Variants in SEL1L2 observed in about 807,000 individuals in gnomAD.
SEL1L2 encodes protein sel-1 homolog 2.
Under a neutral mutation model 98.8 loss-of-function variants are expected in SEL1L2, and 89 were observed. That is an observed-to-expected ratio of 0.90 (90% CI 0.76 to 1.07). The LOEUF (loss-of-function observed/expected upper bound fraction) is 1.07. Ranked by LOEUF, SEL1L2 falls within the 50% of genes least tolerant of loss-of-function variation. The pLI, the probability that SEL1L2 is intolerant of heterozygous loss-of-function variation, is 0.00. For missense variants in SEL1L2, 788 were observed against 812.0 expected, an observed-to-expected ratio of 0.97 and a Z score of 0.36; for synonymous variants, 262 against 278.5, an observed-to-expected ratio of 0.94 and a Z score of 0.59.
At chr20:13,887,914 TG>T in intron 7 of SEL1L2, 27 bp downstream of exon 7, 1 of 1,611,402 alleles carries the variant, frequency 6.2e-7, no homozygotes, top group East Asian at 2.2e-5. Flanking sequence ...CATACAAATT[TG>T]GTTCCAAGAA....
chr20:13,883,164 C>T (rs1424973996), intron 10 of SEL1L2, among the ~76,000 whole-genome samples: 1 of 151,978 alleles, frequency 6.6e-6, no homozygotes, highest in Non-Finnish European at 1.5e-5. Context: ...GTTCTCCATT[C>T]AAGTTCAGGG....
chr20:13,932,518 G>A (rs1240887635), intron 2 of SEL1L2, among the ~76,000 whole-genome samples: 1 of 151,538 alleles, frequency 6.6e-6, no homozygotes, highest in Non-Finnish European at 1.5e-5. Context: ...TGCAACCTTC[G>A]CCTCCCGGGA....
At chr20:13,989,516 T>C (rs995005397) in intron 1 of SEL1L2, among the ~76,000 whole-genome samples, 1 of 152,230 alleles carries the variant, frequency 6.6e-6, no homozygotes, top group South Asian at 2.1e-4. Flanking sequence ...TGAACAGAAA[T>C]GGCAAAAGTG....
intron 12 of SEL1L2, among the ~76,000 whole-genome samples, chr20:13,875,769 A>G (rs2046399497): frequency 6.6e-6 from 1 of 152,166 alleles, no homozygotes; most frequent in South Asian, 2.1e-4. Flanking sequence ...GAGAGGGGAA[A>G]GCTGAACTTC....
At chr20:13,893,103 A>C (rs545588230) in intron 5 of SEL1L2, among the ~76,000 whole-genome samples, 1 of 152,274 alleles carries the variant, frequency 6.6e-6, no homozygotes, top group Non-Finnish European at 1.5e-5. Flanking sequence ...CCAGCTAATT[A>C]AGACAGACTG....
intron 3 of SEL1L2, chr20:13,928,292 C>T (rs1350008697): frequency 6.6e-6 from 1 of 152,194 alleles, no homozygotes. Flanking sequence ...TCCTTGAAGA[C>T]TTGGCATCAG....
intron 1 of SEL1L2, among the ~76,000 whole-genome samples, chr20:13,969,496 G>A (rs2051190009): frequency 6.6e-6 from 1 of 152,180 alleles, no homozygotes; most frequent in South Asian, 2.1e-4. Context: ...GAAAGTGCTT[G>A]ACATTTGCTA....
rs199576999 is a variant in SEL1L2, at chr20:13,906,124, C to T, written c.549+7658G>A. On this transcript the variant is annotated intron_variant, in intron 5 of 19. Transcript: ENST00000284951. ...CTCCTGACCTAAAATGATCTGCCCG[C>T]CTCAGCCTCCCAAAGTGCTGGCATT... 9.9e-5 allele frequency among the ~76,000 whole-genome samples: 15 copies of T among 152,244 alleles called. No homozygotes were observed. The East Asian group carries it at 2.5e-3, about 25-fold the overall frequency.
chr20:13,975,467 T>A (rs1379229695), intron 1 of SEL1L2, among the ~76,000 whole-genome samples: 1 of 152,188 alleles, frequency 6.6e-6, no homozygotes, highest in Non-Finnish European at 1.5e-5. Context: ...ACAGAGGTAA[T>A]ACAGAGTAAA....
intron 14 of SEL1L2, among the ~76,000 whole-genome samples, chr20:13,867,972 T>C (rs6042402): frequency 0.094 from 14,247 of 152,046 alleles, 798 homozygotes; most frequent in African/African-American, 0.15. Flanking sequence ...CCCTGGCTCC[T>C]CCTCTGACAT....
At chr20:13,922,224 T>C (rs901313450) in intron 3 of SEL1L2, among the ~76,000 whole-genome samples, 3 of 152,164 alleles carry the variant, frequency 2.0e-5, no homozygotes, top group Admixed American at 2.0e-4. Flanking sequence ...ATTTTCTTTC[T>C]ACTTTTAATG....
chr20:13,850,353 T>A, intron 18 of SEL1L2, 34 bp from the exon 19 acceptor site: 1 of 1,611,460 alleles, frequency 6.2e-7, no homozygotes. Flanking sequence ...CCCATCAGAT[T>A]CTGTAGGGGT....
intron 3 of SEL1L2, among the ~76,000 whole-genome samples, chr20:13,921,756 A>T (rs533434218): frequency 2.6e-5 from 4 of 152,316 alleles, no homozygotes; most frequent in Non-Finnish European, 5.9e-5. Flanking sequence ...TCATCCATTG[A>T]TATTAACTTG....
In SEL1L2 at chr20:13,961,665, A is replaced by G. The variant is rs62207719; in HGVS notation, c.59-5534T>C. Among the ~76,000 whole-genome samples the G allele has an allele frequency of 3.5e-3, 540 of 152,286 alleles. 2 individuals are homozygous for G. Among genetic ancestry groups the G allele is most frequent in the South Asian group, 5.8e-3 (28 of 4,824 alleles). On this transcript the variant is annotated intron_variant, in intron 1 of 19. Transcript: ENST00000284951. ...ATGAGAAAGCTACTCAGTCACAAAC[A>G]TGGGCCATTTCTTATGTAAAAGGAA... is the stretch of plus-strand genomic sequence containing the variant.
intron 3 of SEL1L2, among the ~76,000 whole-genome samples, chr20:13,925,313 T>C (rs752868668): frequency 1.3e-5 from 2 of 152,236 alleles, no homozygotes; most frequent in African/African-American, 2.4e-5. Flanking sequence ...CATTATTTTA[T>C]TGACTGAGGA....
chr20:13,901,558 G>C (rs2047681862), intron 5 of SEL1L2, among the ~76,000 whole-genome samples: 1 of 151,672 alleles, frequency 6.6e-6, no homozygotes. Flanking sequence ...CTATCTTTTT[G>C]TCATTATTTT....
chr20:13,979,036 G>A (rs547432333), intron 1 of SEL1L2, among the ~76,000 whole-genome samples: 1 of 152,076 alleles, frequency 6.6e-6, no homozygotes, highest in Non-Finnish European at 1.5e-5. Flanking sequence ...CTCTAGACTG[G>A]GCAACAGAGT....
chr20:13,872,977 T>G (rs1005216195), intron 12 of SEL1L2, among the ~76,000 whole-genome samples: 23 of 151,594 alleles, frequency 1.5e-4, no homozygotes, highest in Admixed American at 1.3e-3. Context: ...CATCAGCGTT[T>G]GCCATTTTCT....
At chr20:13,975,076 A>G (rs576576924) in intron 1 of SEL1L2, among the ~76,000 whole-genome samples, 1 of 152,204 alleles carries the variant, frequency 6.6e-6, no homozygotes, top group Admixed American at 6.5e-5. Context: ...TAAAGAAGTC[A>G]TAAGAACCAG....
Sources: gnomAD v4.1 joint callset for allele counts (sites outside exome capture counted in the v4.1 genomes callset) on GRCh38, gnomAD v4.1.1 for gene constraint, MANE v1.5 for transcripts, NCBI Gene and HGNC (gene_info 2026-07-23, HGNC 2026-07-21) for gene names.